The following SH3GL2 variants were observed in gnomAD, a reference collection of about 807,000 sequenced individuals.
SH3GL2 encodes endophilin-A1.
Under a neutral mutation model 46.0 loss-of-function variants are expected in SH3GL2, and 24 were observed. The ratio of observed to expected loss-of-function variants is 0.52; its 90% CI spans 0.38 to 0.73. The LOEUF (loss-of-function observed/expected upper bound fraction) is 0.73, where lower values mean the gene tolerates loss of function less well. Ranked by LOEUF, SH3GL2 falls within the 30% of genes least tolerant of loss-of-function variation. The pLI, the probability that SH3GL2 is intolerant of heterozygous loss-of-function variation, is 0.00. For missense variants in SH3GL2, 413 were observed against 424.2 expected (o/e 0.97, Z 0.23); for synonymous variants, 196 against 147.1 (o/e 1.33, Z -2.40).
At chr9:17,579,789 C>T (rs991198113) in intron 1 of SH3GL2, among the ~76,000 whole-genome samples, 2 of 152,150 alleles carry the variant, frequency 1.3e-5, no homozygotes, top group African/African-American at 4.8e-5. Context: ...TGTCAGAACC[C>T]TCCTTCCCCG....
At chr9:17,691,167 C>G (rs1357589612) in intron 1 of SH3GL2, among the ~76,000 whole-genome samples, 1 of 152,108 alleles carries the variant, frequency 6.6e-6, no homozygotes, top group Non-Finnish European at 1.5e-5. Context: ...TTGTGTTTCT[C>G]ACTTGCCAAG....
At chr9:17,617,021 T>C (rs368772559) in intron 1 of SH3GL2, among the ~76,000 whole-genome samples, 1 of 152,200 alleles carries the variant, frequency 6.6e-6, no homozygotes, top group African/African-American at 2.4e-5. Flanking sequence ...GTGTTCTCTT[T>C]CCTTGTCTCT....
chr9:17,687,203 C>A (rs1820940605), intron 1 of SH3GL2, among the ~76,000 whole-genome samples: 1 of 151,944 alleles, frequency 6.6e-6, no homozygotes. Context: ...CATCTAGAAC[C>A]ATTTAAATTT....
chr9:17,722,864 A>C (rs1045990254), intron 1 of SH3GL2, among the ~76,000 whole-genome samples: 1 of 152,126 alleles, frequency 6.6e-6, no homozygotes, highest in Non-Finnish European at 1.5e-5. Flanking sequence ...TGAGAGATGC[A>C]TATCCAGGGC....
intron 1 of SH3GL2, among the ~76,000 whole-genome samples, chr9:17,721,324 A>G (rs1206147327): frequency 6.6e-6 from 1 of 152,130 alleles, no homozygotes; most frequent in Non-Finnish European, 1.5e-5. Flanking sequence ...AGTATAAACG[A>G]ACAAAAGGAA....
chr9:17,765,359 G>A (rs1032040718), intron 3 of SH3GL2, among the ~76,000 whole-genome samples: 1 of 151,950 alleles, frequency 6.6e-6, no homozygotes, highest in Non-Finnish European at 1.5e-5. Context: ...TGGCTTTCAC[G>A]TCTTGGGGGT....
In SH3GL2 at chr9:17,610,094, G is replaced by T. The variant is rs534235474; in HGVS notation, c.45+30807G>T. On this transcript the variant is annotated intron_variant, in intron 1 of 8. Coordinates refer to ENST00000380607, the MANE Select transcript of SH3GL2 (RefSeq NM_003026.5). Reference sequence around the variant, plus strand: ...GTGCAGTTTTAACTCTGTGAGTCTGGATTTGAATGGAGGCCCAGCTTTATT... The same window carrying T: ...GTGCAGTTTTAACTCTGTGAGTCTGTATTTGAATGGAGGCCCAGCTTTATT... Among the ~76,000 whole-genome samples the T allele has an allele frequency of 7.9e-5, 12 of 152,324 alleles. No homozygotes were observed. In the South Asian group the frequency reaches 2.5e-3, roughly 32 times the overall value.
At chr9:17,610,194 C>G (rs1326654148) in intron 1 of SH3GL2, among the ~76,000 whole-genome samples, 1 of 152,194 alleles carries the variant, frequency 6.6e-6, no homozygotes. Flanking sequence ...AATTAAATAG[C>G]AAAATGCACA....
chr9:17,666,959 G>A (rs1480483439), intron 1 of SH3GL2, among the ~76,000 whole-genome samples: 1 of 152,116 alleles, frequency 6.6e-6, no homozygotes, highest in Admixed American at 6.6e-5. Flanking sequence ...TCTGAAACAT[G>A]AGAAATGGTA....
chr9:17,605,649 A>G (rs780520198), intron 1 of SH3GL2, among the ~76,000 whole-genome samples: 2 of 152,052 alleles, frequency 1.3e-5, no homozygotes, highest in Non-Finnish European at 2.9e-5. Context: ...TTGCAACTGT[A>G]TTGTGTATTA....
intron 1 of SH3GL2, among the ~76,000 whole-genome samples, chr9:17,709,720 A>C (rs951156539): frequency 2.1e-5 from 3 of 140,600 alleles, no homozygotes; most frequent in African/African-American, 9.6e-5. Context: ...CACACGTTTA[A>C]CCTGTATTCT....
chr9:17,597,723 A>T (rs2134557561), intron 1 of SH3GL2, among the ~76,000 whole-genome samples: 1 of 152,246 alleles, frequency 6.6e-6, no homozygotes, highest in East Asian at 1.9e-4. Context: ...TGTTTTTCTT[A>T]TCAGATTATG....
At chr9:17,602,708 TG>T (rs1563777393) in intron 1 of SH3GL2, among the ~76,000 whole-genome samples, 1 of 152,224 alleles carries the variant, frequency 6.6e-6, no homozygotes, top group African/African-American at 2.4e-5. Flanking sequence ...TCTCCATTTT[TG>T]GGGAAGATGG....
intron 1 of SH3GL2, among the ~76,000 whole-genome samples, chr9:17,697,478 TC>T (rs1329815179): frequency 6.6e-6 from 1 of 152,070 alleles, no homozygotes; most frequent in Non-Finnish European, 1.5e-5. Context: ...CACCTTGGCC[TC>T]CCAAAGTGCT....
chr9:17,768,500 T>C (rs1056733982), intron 3 of SH3GL2, among the ~76,000 whole-genome samples: 6 of 151,852 alleles, frequency 4.0e-5, no homozygotes, highest in African/African-American at 1.5e-4. Flanking sequence ...CTAAATACTA[T>C]AAATAAATAC....
intron 1 of SH3GL2, among the ~76,000 whole-genome samples, chr9:17,597,506 TACTC>T (rs1307851877): frequency 2.7e-5 from 4 of 150,798 alleles, no homozygotes; most frequent in East Asian, 2.0e-4. Context: ...GACAGAGTGA[TACTC>T]AGTCTCAAAA....
intron 1 of SH3GL2, among the ~76,000 whole-genome samples, chr9:17,705,204 A>T (rs1173079824): frequency 6.6e-6 from 1 of 152,136 alleles, no homozygotes; most frequent in Non-Finnish European, 1.5e-5. Flanking sequence ...ACTATCTCAC[A>T]CCAGTCAGAA....
chr9:17,605,213 A>T (rs1406545185), intron 1 of SH3GL2, among the ~76,000 whole-genome samples: 1 of 152,068 alleles, frequency 6.6e-6, no homozygotes, highest in Non-Finnish European at 1.5e-5. Flanking sequence ...ACCTGGCCTC[A>T]AATGATCCTC....
chr9:17,584,364 G>A (rs1476834996), intron 1 of SH3GL2, among the ~76,000 whole-genome samples: 4 of 152,122 alleles, frequency 2.6e-5, no homozygotes, highest in Admixed American at 1.3e-4. Context: ...TTAGCTGGGC[G>A]AGGTGGCAGG....
Sources: allele counts gnomAD v4.1 joint callset (sites outside exome capture counted in the v4.1 genomes callset), GRCh38; gene constraint gnomAD v4.1.1; transcripts MANE v1.5; gene names NCBI Gene and HGNC (gene_info 2026-07-23, HGNC 2026-07-21).